FUT8: variants seen among roughly 807,000 people sequenced by gnomAD.
The protein encoded by FUT8 is alpha-(1,6)-fucosyltransferase.
A neutral mutation model predicts 71.3 loss-of-function variants in FUT8; 29 were observed. The observed-to-expected ratio is 0.41, with a 90% CI of 0.30 to 0.55. FUT8 has a LOEUF of 0.55. Among genes scored for constraint, FUT8 ranks in the 20% least tolerant of loss-of-function variants. The probability of loss-of-function intolerance (pLI) is 0.34; values close to 1 mark genes in which losing one functional copy is unlikely to be tolerated. For synonymous variants in FUT8, 254 were observed against 239.3 expected (o/e 1.06, Z -0.57); for missense variants, 544 against 702.1 (o/e 0.77, Z 2.55).
chr14:65,376,456 G>T, the FUT8 span, among the ~76,000 whole-genome samples: 2 of 85,908 alleles, frequency 2.3e-5, 1 homozygote, highest in Non-Finnish European at 5.4e-5. Flanking sequence ...TGTCACACAG[G>T]CTGGAGTGCG....
rs1254192864 is a variant in FUT8 at position 65,471,740 on chromosome 14, G to GT, written c.-228+16035dup. 7.9e-3 allele frequency among the ~76,000 whole-genome samples: 1,136 copies of GT among 143,698 alleles called. 6 individuals are homozygous for GT. The highest frequency in any genetic ancestry group is 0.017 in the African/African-American group (687 of 39,594). The allele number at this position is 143,698 out of a possible 152,430, so 94.3% of individuals were successfully genotyped here. ...GGCTCTAAGAAGAGTTGGATTATCAGTTTTTTTTTTTTTACCCCCAGCTTT... is the reference window on the plus strand; with the variant it reads ...GGCTCTAAGAAGAGTTGGATTATCAGTTTTTTTTTTTTTTACCCCCAGCTTT... On this transcript the variant is annotated intron_variant, in intron 2 of 10. Coordinates refer to ENST00000673929, the MANE Select transcript of FUT8 (RefSeq NM_001371533.1).
chr14:65,368,076 C>T, the FUT8 span, among the ~76,000 whole-genome samples: 92 of 113,876 alleles, frequency 8.1e-4, no homozygotes, highest in Admixed American at 2.2e-3. Flanking sequence ...TTTTTTGAGA[C>T]GGAGTCTCAC....
upstream of FUT8, chr14:65,412,123 C>A (rs749576845): frequency 4.4e-6 from 2 of 454,922 alleles, no homozygotes; most frequent in South Asian, 3.1e-5. Context: ...CGAACTCAGG[C>A]CCTCGTGGGG....
chr14:65,366,877 A>T, the FUT8 span, among the ~76,000 whole-genome samples: 1 of 152,216 alleles, frequency 6.6e-6, no homozygotes, highest in Non-Finnish European at 1.5e-5. Flanking sequence ...GGTTCTGAAG[A>T]GGCTACAGAT....
the FUT8 span, among the ~76,000 whole-genome samples, chr14:65,361,428 A>T: frequency 6.6e-6 from 1 of 150,814 alleles, no homozygotes; most frequent in Non-Finnish European, 1.5e-5. Context: ...ACTAGGACTA[A>T]ATTACTATTG....
chr14:65,368,769 G>A, the FUT8 span, among the ~76,000 whole-genome samples: 4 of 151,816 alleles, frequency 2.6e-5, no homozygotes, highest in Non-Finnish European at 5.9e-5. Flanking sequence ...GATCCGCCCC[G>A]CCTCGGCCTC....
chr14:65,535,424 G>A (rs1363872621), intron 2 of FUT8, among the ~76,000 whole-genome samples: 1 of 152,084 alleles, frequency 6.6e-6, no homozygotes, highest in Non-Finnish European at 1.5e-5. Flanking sequence ...TGATGAGAGT[G>A]TTTAGTGCTA....
intron 7 of FUT8, among the ~76,000 whole-genome samples, chr14:65,677,581 A>G (rs959279738): frequency 2.0e-5 from 3 of 152,204 alleles, no homozygotes; most frequent in South Asian, 2.1e-4. Flanking sequence ...TTGATATCCA[A>G]CTTTACTTTT....
At chr14:65,706,001 T>C (rs1894535237) in intron 7 of FUT8, among the ~76,000 whole-genome samples, 1 of 152,226 alleles carries the variant, frequency 6.6e-6, no homozygotes, top group South Asian at 2.1e-4. Context: ...TATTGAGAAT[T>C]GTTCAGCAGA....
chr14:65,719,895 A>G (rs1374947203), intron 7 of FUT8, among the ~76,000 whole-genome samples: 1 of 152,214 alleles, frequency 6.6e-6, no homozygotes, highest in African/African-American at 2.4e-5. Context: ...CTGGAACTAC[A>G]CTAGACCAGA....
intron 3 of FUT8, among the ~76,000 whole-genome samples, chr14:65,567,893 T>A (rs1886277197): frequency 6.6e-6 from 1 of 152,070 alleles, no homozygotes; most frequent in East Asian, 1.9e-4. Flanking sequence ...TTTTCCTTCT[T>A]GTGATGTCTT....
At chr14:65,548,422 C>G (rs891358243) in intron 2 of FUT8, among the ~76,000 whole-genome samples, 6 of 151,914 alleles carry the variant, frequency 3.9e-5, no homozygotes, top group Admixed American at 6.6e-5. Context: ...CTTTTTATTA[C>G]TAACTAGTAT....
intron 3 of FUT8, among the ~76,000 whole-genome samples, chr14:65,575,744 G>A (rs1189365778): frequency 1.3e-5 from 2 of 151,790 alleles, no homozygotes; most frequent in African/African-American, 2.4e-5. Context: ...TCGGCCTCCC[G>A]AGTAGCTGGA....
intron 6 of FUT8, among the ~76,000 whole-genome samples, chr14:65,651,199 T>TA (rs908608369): frequency 6.6e-6 from 1 of 152,148 alleles, no homozygotes; most frequent in South Asian, 2.1e-4. Context: ...GAAAGAGACT[T>TA]AAAAAAATCT....
chr14:65,692,341 G>T (rs1331714444), intron 7 of FUT8, among the ~76,000 whole-genome samples: 23 of 149,872 alleles, frequency 1.5e-4, no homozygotes, highest in Non-Finnish European at 2.8e-4. Context: ...AGACGGGGCG[G>T]CTGGCCGGGC....
chr14:65,709,675 T>G (rs11846546), intron 7 of FUT8, among the ~76,000 whole-genome samples: 30,354 of 152,060 alleles, frequency 0.2, 3,553 homozygotes, highest in East Asian at 0.48. Context: ...TCCCTTAGAA[T>G]GAAAAAGTAC....
chr14:65,366,863 C>T, the FUT8 span, among the ~76,000 whole-genome samples: 1 of 152,060 alleles, frequency 6.6e-6, no homozygotes, highest in Admixed American at 6.5e-5. Flanking sequence ...TGTGCACACA[C>T]CATGGTTCTG....
At chr14:65,488,951 A>G (rs1012404236) in intron 2 of FUT8, among the ~76,000 whole-genome samples, 1 of 152,208 alleles carries the variant, frequency 6.6e-6, no homozygotes, top group Admixed American at 6.5e-5. Context: ...CAACCTGAAG[A>G]ATAATATGTT....
At chr14:65,721,532 G>A (rs1895414015) in intron 7 of FUT8, among the ~76,000 whole-genome samples, 1 of 152,188 alleles carries the variant, frequency 6.6e-6, no homozygotes, top group Non-Finnish European at 1.5e-5. Flanking sequence ...ATGATAGCAT[G>A]TTATGATAGA....
Sources: gnomAD v4.1 joint callset for allele counts (sites outside exome capture counted in the v4.1 genomes callset) on GRCh38, gnomAD v4.1.1 for gene constraint, MANE v1.5 for transcripts, NCBI Gene and HGNC (gene_info 2026-07-23, HGNC 2026-07-21) for gene names.